Variants in SPTAN1 observed in about 807,000 individuals in gnomAD.
SPTAN1 encodes spectrin alpha chain, non-erythrocytic 1.
SPTAN1 carries 61 observed loss-of-function variants against 331.3 expected under a neutral mutation model. The observed-to-expected ratio is 0.18, with a 90% CI of 0.15 to 0.23. The LOEUF (loss-of-function observed/expected upper bound fraction) is 0.23. Among genes scored for constraint, SPTAN1 ranks in the 10% least tolerant of loss-of-function variants. The pLI is 1.00. For synonymous variants in SPTAN1, 1,153 were observed against 1,173.9 expected, an observed-to-expected ratio of 0.98 and a Z score of 0.36; for missense variants, 2,043 against 3,147.9, an observed-to-expected ratio of 0.65 and a Z score of 8.40.
intron 45 of SPTAN1, 131 bp from the exon 46 acceptor site, chr9:128,624,197 T>C: frequency 2.0e-6 from 2 of 994,068 alleles, no homozygotes; most frequent in East Asian, 2.6e-5. Flanking sequence ...TACCCTATCA[T>C]TGTTTACCCA....
rs1851411378 is a variant in SPTAN1, at chr9:128,577,264, A to G, written c.921A>G (p.Leu307=). Residue 307 remains leucine, a synonymous_variant, in exon 7 of 57, where the codon CTA becomes CTG. Transcript: ENST00000372739. The surrounding 1 kb of genome is among the most constrained non-coding windows in gnomAD (Gnocchi z 4.2). ...GTCTGGAGAGAGATCTTGCTGCTCT[A>G]GAAGACAAGGTGGGTTTTACAAGCA... ...HEGLERDLAA[L]EDKVKALCAE... 2 of 1,614,080 alleles carry G rather than the reference A, an allele frequency of 1.2e-6. No homozygotes were observed. Among genetic ancestry groups the G allele is most frequent in the East Asian group, 2.2e-5 (1 of 44,900 alleles).
chr9:128,593,316 C>G, intron 23 of SPTAN1: 1 of 526,976 alleles, frequency 1.9e-6, no homozygotes, highest in Non-Finnish European at 3.5e-6. Context: ...GGTGGACCAG[C>G]CACTATCAGC....
rs192634051 is a variant in SPTAN1 at position 128,584,941 on chromosome 9, G to A, written c.2560+98G>A. Reference sequence around the variant, plus strand: ...ACGTGGGCATCACAAACCAGGCTCTGGGGCTGAATACCATCCCCATTCTTT... The same window carrying A: ...ACGTGGGCATCACAAACCAGGCTCTAGGGCTGAATACCATCCCCATTCTTT... On this transcript the variant is annotated intron_variant, in intron 18 of 56. Transcript: ENST00000372739. 2.8e-6 allele frequency: 4 copies of A among 1,414,488 alleles called. No individual in the cohort carries two copies. The African/African-American group carries it at 4.2e-5, about 15-fold the overall frequency. 87.6% of individuals were successfully genotyped at this position (1,414,488 alleles called of 1,614,324 possible). A position where few individuals can be genotyped will look rare whatever the true frequency, so the allele number is the denominator to read the frequency against.
chr9:128,578,383 G>T (rs1028113824), intron 9 of SPTAN1, 138 bp downstream of exon 9: 9 of 1,254,690 alleles, frequency 7.2e-6, no homozygotes, highest in Non-Finnish European at 1.0e-5. Flanking sequence ...GATTATGGTT[G>T]GTTTTGCCTT....
At chr9:128,603,031 A>G (rs536198298) in intron 27 of SPTAN1, among the ~76,000 whole-genome samples, 6 of 152,014 alleles carry the variant, frequency 3.9e-5, no homozygotes, top group Non-Finnish European at 7.4e-5. Context: ...AAGCTAATTC[A>G]CTGCTTTATT....
Position 128,587,833 on chromosome 9 carries a change from A to G in SPTAN1, c.2871+135A>G, listed in dbSNP as rs4837286. ...TGACACAAAGATTTACAGAGTTTAA[A>G]ATAAGATTTATTTATTTATTTATTT... On this transcript the variant is annotated intron_variant, in intron 20 of 56. Transcript: ENST00000372739. The G allele has an allele frequency of 0.97, 713,222 of 737,032 alleles. 347,618 individuals carry two copies. The highest frequency in any genetic ancestry group is 1 in the Non-Finnish European group (422,052 of 422,646). The allele number at this position is 737,032 out of a possible 1,614,324, so 45.7% of individuals were successfully genotyped here. A position where few individuals can be genotyped will look rare whatever the true frequency, so the allele number is the denominator to read the frequency against.
intron 42 of SPTAN1, 34 bp downstream of exon 42, chr9:128,617,794 G>T: frequency 6.2e-7 from 1 of 1,611,562 alleles, no homozygotes; most frequent in South Asian, 1.1e-5. Flanking sequence ...AGAGGGCAGA[G>T]GTGTTTGAGT....
In SPTAN1 at chr9:128,632,481, T is replaced by TTAAG. The variant is rs753053330; in HGVS notation, c.7012_7013+2dup. The TTAAG allele has an allele frequency of 5.0e-6, 8 of 1,614,036 alleles. No individual in the cohort carries two copies. The East Asian group carries it at 1.8e-4, about 36-fold the overall frequency. On this transcript the variant is annotated frameshift_variant, in exon 54 of 57. Coordinates refer to ENST00000372739, the MANE Select transcript of SPTAN1 (RefSeq NM_001130438.3). LOFTEE classifies it high-confidence loss of function. ...GCCCTCAAAGAATTCAGCATGATGT[T>TTAAG]TAAGTGAGTTCAGCCTTACTCGCCC...
At position 128,633,414 on chromosome 9, in the gene SPTAN1, T is replaced by G; in HGVS notation, c.*80T>G. 1 of 1,603,598 alleles carries G rather than the reference T, an allele frequency of 6.2e-7. No individual in the cohort carries two copies. The highest frequency in any genetic ancestry group is 2.2e-5 in the East Asian group (1 of 44,864). On this transcript the variant is annotated 3_prime_UTR_variant, in exon 57 of 57. Transcript: ENST00000372739. ...TGTCCGCTCCTCTGTGTGCTCTCAC[T>G]TTCCACTGTAACCTTAAGCCTGCTT... is the stretch of plus-strand genomic sequence containing the variant.
rs1858859294 is a variant in SPTAN1, at chr9:128,627,010, G to A, written c.6576+323G>A. 1 of 550,304 alleles carries A rather than the reference G, an allele frequency of 1.8e-6. No individual in the cohort carries two copies. Among genetic ancestry groups the A allele is most frequent in the Non-Finnish European group, 3.4e-6 (1 of 290,010 alleles). The allele number at this position is 550,304 out of a possible 1,614,324, so 34.1% of individuals were successfully genotyped here. ...TTTTAATTTTTGTAGACAGGGTGTT[G>A]CTATGTTGCCCAGGCTGGTCTTCAA... On this transcript the variant is annotated intron_variant, in intron 49 of 56. Transcript: ENST00000372739. The surrounding 1 kb of genome is among the most constrained non-coding windows in gnomAD (Gnocchi z 4.9).
rs139694176 is a variant in SPTAN1, at chr9:128,606,644, C to T, written c.4047-960C>T. On this transcript the variant is annotated intron_variant, in intron 31 of 56. Coordinates refer to ENST00000372739, the MANE Select transcript of SPTAN1 (RefSeq NM_001130438.3). Reference sequence around the variant, plus strand: ...GATCACAGGCATGCACCACCAAGCCCGGCTAATTTTGTATTTTTTTTAGTA... The same window carrying T: ...GATCACAGGCATGCACCACCAAGCCTGGCTAATTTTGTATTTTTTTTAGTA... Among the ~76,000 whole-genome samples, 643 of 151,530 alleles carry T rather than the reference C, an allele frequency of 4.2e-3. 4 individuals carry two copies. The highest frequency in any genetic ancestry group is 7.2e-3 in the Non-Finnish European group (489 of 67,852).
intron 46 of SPTAN1, 149 bp from the exon 47 acceptor site, chr9:128,624,954 G>C (rs187375163): frequency 2.7e-6 from 2 of 752,296 alleles, no homozygotes; most frequent in East Asian, 2.6e-5. Flanking sequence ...GTGCAGGGAG[G>C]GGCCTGCTAA....
intron 26 of SPTAN1, chr9:128,599,342 C>T (rs775887133): frequency 6.1e-6 from 2 of 326,492 alleles, no homozygotes; most frequent in Non-Finnish European, 1.2e-5. Context: ...ACCATGTTGT[C>T]CAGGCTGGTC....
At position 128,568,716 on chromosome 9, in the gene SPTAN1, C is replaced by A; in HGVS notation, c.238-56C>A. The A allele has an allele frequency of 4.3e-6, 7 of 1,610,812 alleles. No individual in the cohort carries two copies. In the Admixed American group the frequency reaches 1.2e-4, roughly 27 times the overall value. Reference sequence around the variant, plus strand: ...GGAGGAACACGGGGAACAGCGGGGACAAAATGCTGATGCTGTGTGGTTGCG... The same window carrying A: ...GGAGGAACACGGGGAACAGCGGGGAAAAAATGCTGATGCTGTGTGGTTGCG... On this transcript the variant is annotated intron_variant, in intron 2 of 56. Coordinates refer to ENST00000372739, the MANE Select transcript of SPTAN1 (RefSeq NM_001130438.3).
chr9:128,618,629 A>G (rs1589357628), intron 43 of SPTAN1, among the ~76,000 whole-genome samples: 1 of 151,724 alleles, frequency 6.6e-6, no homozygotes, highest in Admixed American at 6.6e-5. Context: ...GACTACAGGC[A>G]CCCGCCACCA....
chr9:128,604,887 T>C, intron 29 of SPTAN1, 147 bp from the exon 30 acceptor site: 1 of 827,680 alleles, frequency 1.2e-6, no homozygotes, highest in Non-Finnish European at 1.8e-6. Flanking sequence ...GAGCTGAGAT[T>C]GTGCATTGTG....
intron 12 of SPTAN1, 98 bp downstream of exon 12, chr9:128,581,990 T>C: frequency 1.1e-6 from 1 of 909,076 alleles, no homozygotes; most frequent in Non-Finnish European, 1.8e-6. Context: ...GAAAGATTCA[T>C]ATGCAGAGTA....
Position 128,599,002 on chromosome 9 carries a change from T to C in SPTAN1, c.3543+16T>C, listed in dbSNP as rs747620583. Reference sequence around the variant, plus strand: ...GATGCCCAGGGTAAGTTTCGGGTGCTGTGTGTGGATCTTGAACATGAGAAG... The same window carrying C: ...GATGCCCAGGGTAAGTTTCGGGTGCCGTGTGTGGATCTTGAACATGAGAAG... On this transcript the variant is annotated intron_variant, in intron 26 of 56. Coordinates refer to ENST00000372739, the MANE Select transcript of SPTAN1 (RefSeq NM_001130438.3). 1.9e-6 allele frequency: 3 copies of C among 1,613,302 alleles called. No homozygotes were observed. The Admixed American group carries it at 5.0e-5, about 27-fold the overall frequency.
chr9:128,576,708 T>A lies in SPTAN1; in HGVS notation c.652-115T>A. 4 of 1,356,428 alleles carry A rather than the reference T, an allele frequency of 2.9e-6. No individual in the cohort carries two copies. In the South Asian group the frequency reaches 5.0e-5, roughly 17 times the overall value. 84.0% of individuals were successfully genotyped at this position (1,356,428 alleles called of 1,614,324 possible). ...GTATCATGTTGACCATTATTTCTTGTGATTCTCTTCAGAGTGGTGATTTGC... is the reference window on the plus strand; with the variant it reads ...GTATCATGTTGACCATTATTTCTTGAGATTCTCTTCAGAGTGGTGATTTGC... On this transcript the variant is annotated intron_variant, in intron 5 of 56. Transcript: ENST00000372739.
Sources: gnomAD v4.1 joint callset for allele counts (sites outside exome capture counted in the v4.1 genomes callset) on GRCh38, gnomAD v4.1.1 for gene constraint, Gnocchi (gnomAD v3.1) non-coding constraint, MANE v1.5 for transcripts, NCBI Gene and HGNC (gene_info 2026-07-23, HGNC 2026-07-21) for gene names.